FRMD5: variants seen among roughly 807,000 people sequenced by gnomAD.
The protein encoded by FRMD5 is FERM domain containing 5, also known as FERM domain-containing protein 5.
Under a neutral mutation model 69.0 loss-of-function variants are expected in FRMD5, and 20 were observed. The observed-to-expected ratio is 0.29, with a 90% CI of 0.20 to 0.42. The LOEUF (loss-of-function observed/expected upper bound fraction) is 0.42. Ranked by LOEUF, FRMD5 falls within the 10% of genes least tolerant of loss-of-function variation. The pLI is 1.00. For missense variants in FRMD5, 595 were observed against 708.6 expected, an observed-to-expected ratio of 0.84 and a Z score of 1.82; for synonymous variants, 271 against 260.1, an observed-to-expected ratio of 1.04 and a Z score of -0.40.
intron 1 of FRMD5, among the ~76,000 whole-genome samples, chr15:44,087,317 G>A (rs372901485): frequency 2.0e-5 from 3 of 152,034 alleles, no homozygotes; most frequent in Non-Finnish European, 4.4e-5. Context: ...AACCGCGCCC[G>A]CCCAAGTTTT....
chr15:44,042,255 A>G (rs1892230221), intron 1 of FRMD5, among the ~76,000 whole-genome samples: 1 of 152,218 alleles, frequency 6.6e-6, no homozygotes, highest in Non-Finnish European at 1.5e-5. Context: ...CCCTGAATAG[A>G]CCAACAACAA....
intron 1 of FRMD5, among the ~76,000 whole-genome samples, chr15:43,960,598 C>T (rs536624277): frequency 4.7e-5 from 7 of 147,390 alleles, no homozygotes; most frequent in African/African-American, 1.0e-4. Flanking sequence ...TGGTCAGGTT[C>T]GTCTCAAGCT....
intron 1 of FRMD5, among the ~76,000 whole-genome samples, chr15:44,119,818 T>C (rs529448324): frequency 2.6e-5 from 4 of 151,938 alleles, no homozygotes; most frequent in Non-Finnish European, 5.9e-5. Context: ...ACAAACTCCA[T>C]GAGCACAGGG....
intron 1 of FRMD5, among the ~76,000 whole-genome samples, chr15:44,012,528 AT>A (rs1890763950): frequency 1.3e-5 from 2 of 152,280 alleles, no homozygotes; most frequent in African/African-American, 4.8e-5. Context: ...AACATAACAA[AT>A]TTTGGTATGC....
At chr15:44,057,160 T>C (rs1375333725) in intron 1 of FRMD5, among the ~76,000 whole-genome samples, 8 of 151,810 alleles carry the variant, frequency 5.3e-5, no homozygotes, top group African/African-American at 1.7e-4. Flanking sequence ...TTTCTCACTC[T>C]GTTGCCCAGG....
chr15:44,068,306 T>C (rs1368650556), intron 1 of FRMD5, among the ~76,000 whole-genome samples: 2 of 152,166 alleles, frequency 1.3e-5, no homozygotes, highest in Admixed American at 6.5e-5. Flanking sequence ...CATAGCAGCA[T>C]TATACATGAT....
intron 13 of FRMD5, among the ~76,000 whole-genome samples, chr15:43,877,991 G>C (rs1177552074): frequency 6.6e-6 from 1 of 152,096 alleles, no homozygotes; most frequent in Non-Finnish European, 1.5e-5. Flanking sequence ...GCATCATTTT[G>C]TTATAATTTT....
intron 1 of FRMD5, among the ~76,000 whole-genome samples, chr15:43,954,172 C>T (rs1166176290): frequency 6.6e-6 from 1 of 152,212 alleles, no homozygotes; most frequent in African/African-American, 2.4e-5. Context: ...GTGCATTTCT[C>T]ATCTCTTCTG....
intron 1 of FRMD5, among the ~76,000 whole-genome samples, chr15:43,966,321 G>T (rs1452323036): frequency 6.6e-6 from 1 of 152,074 alleles, no homozygotes; most frequent in African/African-American, 2.4e-5. Flanking sequence ...GCAGTGAGAG[G>T]AGATCTCATG....
intron 1 of FRMD5, among the ~76,000 whole-genome samples, chr15:44,175,036 C>G (rs1164448901): frequency 6.6e-6 from 1 of 152,192 alleles, no homozygotes; most frequent in African/African-American, 2.4e-5. Context: ...CAAACCTGCA[C>G]ATTCTGCACA....
rs200348487 is a variant in FRMD5 at position 44,120,965 on chromosome 15, T to C, written c.102+73988A>G. ...GAACACAGCCTGAACTCAGTCAACT[T>C]ATAAATTTAGTAGTCGTCAGTGTTT... On this transcript the variant is annotated intron_variant, in intron 1 of 13. Coordinates refer to ENST00000417257, the MANE Select transcript of FRMD5 (RefSeq NM_032892.5). Among the ~76,000 whole-genome samples, 8 of 152,050 alleles carry C rather than the reference T, an allele frequency of 5.3e-5. No individual in the cohort carries two copies. The East Asian group carries it at 1.5e-3, about 29-fold the overall frequency.
chr15:43,920,808 CCTT>C (rs1326841763), intron 2 of FRMD5, among the ~76,000 whole-genome samples: 25 of 152,196 alleles, frequency 1.6e-4, no homozygotes, highest in Admixed American at 1.6e-3. Context: ...GCCCATACTT[CCTT>C]CTTTTCTGGC....
chr15:43,920,452 T>C (rs1039039432), intron 2 of FRMD5, among the ~76,000 whole-genome samples: 26 of 152,206 alleles, frequency 1.7e-4, no homozygotes, highest in African/African-American at 6.3e-4. Flanking sequence ...AACCAACGTG[T>C]AGGATAGTAC....
chr15:43,897,055 C>A (rs2088927384), intron 7 of FRMD5, among the ~76,000 whole-genome samples: 1 of 152,012 alleles, frequency 6.6e-6, no homozygotes, highest in South Asian at 2.1e-4. Flanking sequence ...GAAAGGAATT[C>A]CTGGTGGAAA....
chr15:44,122,732 C>T (rs2076971288), intron 1 of FRMD5, among the ~76,000 whole-genome samples: 1 of 152,042 alleles, frequency 6.6e-6, no homozygotes, highest in African/African-American at 2.4e-5. Flanking sequence ...AACCCCGTCT[C>T]TACTAAAAAT....
intron 1 of FRMD5, chr15:43,989,955 G>T: frequency 8.9e-7 from 1 of 1,120,054 alleles, no homozygotes; most frequent in Non-Finnish European, 1.4e-6. Context: ...CCCAGGTGGT[G>T]ACAATGTCCT....
chr15:44,047,498 C>T (rs1366180605), intron 1 of FRMD5, among the ~76,000 whole-genome samples: 2 of 152,088 alleles, frequency 1.3e-5, no homozygotes, highest in African/African-American at 4.8e-5. Context: ...GTGACCCTTT[C>T]CCTACCATAA....
At chr15:43,884,109 T>G (rs1053839849) in intron 12 of FRMD5, among the ~76,000 whole-genome samples, 3 of 152,100 alleles carry the variant, frequency 2.0e-5, no homozygotes, top group Non-Finnish European at 4.4e-5. Flanking sequence ...AGCCCCAGGA[T>G]GAGCAGTACT....
At chr15:44,013,919 C>T (rs1321628807) in intron 1 of FRMD5, among the ~76,000 whole-genome samples, 10 of 142,208 alleles carry the variant, frequency 7.0e-5, no homozygotes, top group African/African-American at 1.3e-4. Flanking sequence ...TGCAGTGCTG[C>T]GATCTCAGCT....
Sources: gnomAD v4.1 joint callset for allele counts (sites outside exome capture counted in the v4.1 genomes callset) on GRCh38, gnomAD v4.1.1 for gene constraint, MANE v1.5 for transcripts, NCBI Gene and HGNC (gene_info 2026-07-23, HGNC 2026-07-21) for gene names.